The following TRIM33 variants were observed in gnomAD, a reference collection of about 807,000 sequenced individuals.
TRIM33 encodes tripartite motif containing 33.
A neutral mutation model predicts 125.4 loss-of-function variants in TRIM33; 20 were observed. The observed-to-expected ratio is 0.16, with a 90% CI of 0.11 to 0.23. The LOEUF is 0.23. Among genes scored for constraint, TRIM33 ranks in the 10% least tolerant of loss-of-function variants. TRIM33 has a pLI of 1.00. For missense variants in TRIM33, 920 were observed against 1,411.4 expected, an observed-to-expected ratio of 0.65 and a Z score of 5.58; for synonymous variants, 564 against 513.9, an observed-to-expected ratio of 1.10 and a Z score of -1.32.
rs550638226 is a variant in TRIM33 at position 114,395,687 on chromosome 1, T to A, written c.*1961A>T. 8.8e-5 allele frequency: 17 copies of A among 192,314 alleles called. No individual in the cohort carries two copies. The Admixed American group carries it at 1.0e-3, about 12-fold the overall frequency. The allele number at this position is 192,314 out of a possible 1,614,324, so 11.9% of individuals were successfully genotyped here. A position where few individuals can be genotyped will look rare whatever the true frequency, so the allele number is the denominator to read the frequency against. ...TTTTCTCCCTCTTATTAAAAAACAT[T>A]TTTAGGAATTTAAAATTTGAGTAAA... On this transcript the variant is annotated 3_prime_UTR_variant, in exon 20 of 20. Transcript: ENST00000358465.
At chr1:114,431,750 T>C (rs1647962917) in intron 5 of TRIM33, among the ~76,000 whole-genome samples, 2 of 152,330 alleles carry the variant, frequency 1.3e-5, no homozygotes, top group Admixed American at 6.5e-5. Flanking sequence ...CTCCAAGAAA[T>C]AATGTAGTTT....
intron 1 of TRIM33, among the ~76,000 whole-genome samples, chr1:114,473,256 CAA>C (rs35627159): frequency 1.3e-4 from 14 of 106,254 alleles, no homozygotes; most frequent in Admixed American, 2.1e-4. Flanking sequence ...GACTCTGTCT[CAA>C]AAAAAAAAAA....
intron 1 of TRIM33, among the ~76,000 whole-genome samples, chr1:114,481,659 GTGTA>G (rs954169184): frequency 5.7e-5 from 8 of 141,462 alleles, no homozygotes; most frequent in Non-Finnish European, 9.2e-5. Flanking sequence ...GTGTGTGTGT[GTGTA>G]TATATATGTG....
At chr1:114,495,962 G>A (rs925553053) in intron 1 of TRIM33, among the ~76,000 whole-genome samples, 14 of 152,240 alleles carry the variant, frequency 9.2e-5, no homozygotes, top group African/African-American at 3.4e-4. Context: ...GATTCAGTGG[G>A]TCCAAGGTTC....
chr1:114,402,934 C>T, intron 15 of TRIM33, 51 bp from the exon 16 acceptor site: 1 of 1,532,960 alleles, frequency 6.5e-7, no homozygotes, highest in Non-Finnish European at 8.8e-7. Context: ...AAAGCCTGCT[C>T]TAGAGAAGCT....
chr1:114,407,891 T>C (rs1356279375), intron 13 of TRIM33, among the ~76,000 whole-genome samples: 3 of 152,164 alleles, frequency 2.0e-5, no homozygotes, highest in African/African-American at 2.4e-5. Context: ...AAAGCTTCTC[T>C]TTACAGAAAT....
At chr1:114,439,732 C>T (rs1048824124) in intron 4 of TRIM33, among the ~76,000 whole-genome samples, 1 of 151,940 alleles carries the variant, frequency 6.6e-6, no homozygotes, top group Admixed American at 6.6e-5. Context: ...CAGAAGACTA[C>T]ACTAAGGTAT....
intron 16 of TRIM33, among the ~76,000 whole-genome samples, chr1:114,401,744 A>C (rs1206544180): frequency 2.0e-5 from 3 of 152,204 alleles, no homozygotes; most frequent in Non-Finnish European, 2.9e-5. Flanking sequence ...TTTGTGCAAA[A>C]ATTTATAAAT....
rs1651489209 is a variant in TRIM33 at position 114,395,379 on chromosome 1, AT to A, written c.*2268del. ...CATGTAATTTTAAGGAAACACAATT[AT>A]TTTTTAAGGCCCCAAATACTGAAAA... On this transcript the variant is annotated 3_prime_UTR_variant, in exon 20 of 20. Transcript: ENST00000358465. 5.0e-6 allele frequency: 1 copy of A among 201,436 alleles called. No individual in the cohort carries two copies. The highest frequency in any genetic ancestry group is 1.7e-3 in the Middle Eastern group (1 of 606). 12.5% of individuals were successfully genotyped at this position (201,436 alleles called of 1,614,324 possible). A position where few individuals can be genotyped will look rare whatever the true frequency, so the allele number is the denominator to read the frequency against.
At position 114,394,494 on chromosome 1, in the gene TRIM33, T is replaced by C. The variant is rs971429247; in HGVS notation, c.*3154A>G. On this transcript the variant is annotated 3_prime_UTR_variant, in exon 20 of 20. Coordinates refer to ENST00000358465, the MANE Select transcript of TRIM33 (RefSeq NM_015906.4). ...CTACAATTTGCACACTTATAAACCT[T>C]TTACTTCTATTTAAAAGCATTATTT... 9.4e-6 allele frequency: 2 copies of C among 213,334 alleles called. No homozygotes were observed. Among genetic ancestry groups the C allele is most frequent in the Non-Finnish European group, 9.5e-6 (1 of 105,236 alleles). The allele number at this position is 213,334 out of a possible 1,614,324, so 13.2% of individuals were successfully genotyped here.
At chr1:114,419,515 A>G (rs1353414394) in intron 11 of TRIM33, among the ~76,000 whole-genome samples, 2 of 152,200 alleles carry the variant, frequency 1.3e-5, no homozygotes, top group African/African-American at 4.8e-5. Flanking sequence ...CGCTTCACAA[A>G]CTATAAGCTG....
At chr1:114,418,820 A>T (rs1322282808) in intron 11 of TRIM33, among the ~76,000 whole-genome samples, 3 of 152,008 alleles carry the variant, frequency 2.0e-5, no homozygotes, top group Non-Finnish European at 4.4e-5. Context: ...CGATTCAGCA[A>T]TTAAGGGGGA....
At chr1:114,405,072 T>G (rs1374433087) in intron 15 of TRIM33, 1 of 177,038 alleles carries the variant, frequency 5.6e-6, no homozygotes, top group Non-Finnish European at 1.2e-5. Flanking sequence ...TGATCCCTGA[T>G]AATTAGTGAA....
intron 1 of TRIM33, among the ~76,000 whole-genome samples, chr1:114,494,715 C>T (rs138874469): frequency 4.5e-4 from 68 of 152,254 alleles, no homozygotes; most frequent in Admixed American, 7.2e-4. Context: ...TGGACTTTAC[C>T]GGTTCTCACA....
At chr1:114,409,694 G>GA (rs930187660) in intron 12 of TRIM33, among the ~76,000 whole-genome samples, 5 of 152,112 alleles carry the variant, frequency 3.3e-5, no homozygotes, top group East Asian at 1.9e-4. Flanking sequence ...GAACAATCAA[G>GA]AAAAAAATAT....
rs930689495 is a variant in TRIM33, at chr1:114,461,494, G to A, written c.923+1610C>T. Among the ~76,000 whole-genome samples, 3 of 151,404 alleles carry A rather than the reference G, an allele frequency of 2.0e-5. No individual in the cohort carries two copies. The South Asian group carries it at 6.2e-4, about 32-fold the overall frequency. On this transcript the variant is annotated intron_variant, in intron 4 of 19. Transcript: ENST00000358465. ...TGGCGAGAATCAGTCAATATGAGGG[G>A]AAACTGGTCACACACATGGTCACAG...
At chr1:114,432,576 G>A (rs1648028603) in intron 5 of TRIM33, among the ~76,000 whole-genome samples, 2 of 152,064 alleles carry the variant, frequency 1.3e-5, no homozygotes, top group Admixed American at 1.3e-4. Context: ...CACGAGGTCA[G>A]GAGATCAAGA....
At chr1:114,459,565 T>A (rs1649829771) in intron 4 of TRIM33, among the ~76,000 whole-genome samples, 1 of 151,914 alleles carries the variant, frequency 6.6e-6, no homozygotes, top group Admixed American at 6.6e-5. Context: ...AGCCTAAGAG[T>A]TTAAATCCAG....
At chr1:114,414,713 C>T (rs895715032) in intron 11 of TRIM33, among the ~76,000 whole-genome samples, 35 of 152,128 alleles carry the variant, frequency 2.3e-4, no homozygotes, top group Non-Finnish European at 8.8e-5. Context: ...TTCTCCTGGC[C>T]TGTAAACTCT....
Sources: allele counts gnomAD v4.1 joint callset (sites outside exome capture counted in the v4.1 genomes callset), GRCh38; gene constraint gnomAD v4.1.1; transcripts MANE v1.5; gene names NCBI Gene and HGNC (gene_info 2026-07-23, HGNC 2026-07-21).